Variants in SNX29 observed in about 807,000 individuals in gnomAD.
The protein encoded by SNX29 is sorting nexin 29, also known as sorting nexin-29.
SNX29 carries 78 observed loss-of-function variants against 102.1 expected under a neutral mutation model. The observed-to-expected ratio is 0.76, with a 90% CI of 0.64 to 0.92. The LOEUF is 0.92. Among genes scored for constraint, SNX29 ranks in the 40% least tolerant of loss-of-function variants. SNX29 has a pLI of 0.00. For missense variants in SNX29, 1,280 were observed against 1,061.7 expected, an observed-to-expected ratio of 1.21 and a Z score of -2.86; for synonymous variants, 580 against 414.5, an observed-to-expected ratio of 1.40 and a Z score of -4.85.
intron 3 of SNX29, 57 bp from the exon 4 acceptor site, chr16:12,027,263 G>A (rs1009887904): frequency 1.7e-5 from 28 of 1,601,368 alleles, no homozygotes; most frequent in Admixed American, 5.0e-5. Context: ...TGCTGGGGCC[G>A]CCCTAGTTGC....
chr16:12,496,349 A>T (rs1445374629), intron 19 of SNX29, among the ~76,000 whole-genome samples: 1 of 152,056 alleles, frequency 6.6e-6, no homozygotes, highest in Admixed American at 6.6e-5. Context: ...CTCAGGGTAC[A>T]CGGCCTCCCC....
At chr16:12,470,589 C>T (rs1000537529) in intron 18 of SNX29, among the ~76,000 whole-genome samples, 3 of 152,098 alleles carry the variant, frequency 2.0e-5, no homozygotes, top group African/African-American at 7.2e-5. Context: ...CACTCAGAAA[C>T]CCACTCGAGA....
intron 20 of SNX29, among the ~76,000 whole-genome samples, chr16:12,554,712 G>C (rs1401109302): frequency 6.6e-6 from 1 of 152,160 alleles, no homozygotes; most frequent in Non-Finnish European, 1.5e-5. Flanking sequence ...CCTGGTGACA[G>C]CTGTCTTTCA....
chr16:12,197,661 G>C lies in SNX29; in HGVS notation c.1596-1940G>C, dbSNP rs551513488. On this transcript the variant is annotated intron_variant, in intron 13 of 20. Coordinates refer to ENST00000566228, the MANE Select transcript of SNX29 (RefSeq NM_032167.5). ...AAACATTTTAAGGACTTGTTATTTT[G>C]TGTCAAACATTTGTGATTCATGTCA... 5.9e-5 allele frequency among the ~76,000 whole-genome samples: 9 copies of C among 152,316 alleles called. No homozygotes were observed. In the South Asian group the frequency reaches 1.7e-3, roughly 28 times the overall value.
intron 13 of SNX29, among the ~76,000 whole-genome samples, chr16:12,157,310 C>G (rs1338016814): frequency 6.6e-6 from 1 of 152,152 alleles, no homozygotes; most frequent in African/African-American, 2.4e-5. Context: ...CTGAGGGCAG[C>G]ACAGGGCAGA....
Position 12,266,963 on chromosome 16 carries a change from G to A in SNX29, c.1679-10970G>A, listed in dbSNP as rs375285733. On this transcript the variant is annotated intron_variant, in intron 14 of 20. Coordinates refer to ENST00000566228, the MANE Select transcript of SNX29 (RefSeq NM_032167.5). ...TTTTTAGTGGAGATGGGGTTTTACC[G>A]TGTTGGCCAGGCTGGTCTCGAACTC... Among the ~76,000 whole-genome samples, 522 of 151,946 alleles carry A rather than the reference G, an allele frequency of 3.4e-3. 1 individual carries two copies. The highest frequency in any genetic ancestry group is 0.012 in the African/African-American group (495 of 41,440).
At chr16:12,361,685 T>C (rs1274883746) in intron 16 of SNX29, among the ~76,000 whole-genome samples, 1 of 152,218 alleles carries the variant, frequency 6.6e-6, no homozygotes, top group Non-Finnish European at 1.5e-5. Context: ...TTTAAATTTA[T>C]TTTTTTCTTA....
intron 18 of SNX29, among the ~76,000 whole-genome samples, chr16:12,425,556 AAAAGAG>A: frequency 6.1e-5 from 8 of 130,830 alleles, no homozygotes; most frequent in Non-Finnish European, 1.2e-4. Context: ...AAAAAAAATA[AAAAGAG>A]GGAATAGAAA....
At chr16:12,093,461 C>T (rs2052642779) in intron 11 of SNX29, among the ~76,000 whole-genome samples, 1 of 152,084 alleles carries the variant, frequency 6.6e-6, no homozygotes, top group Admixed American at 6.6e-5. Flanking sequence ...AAGAAGAAGA[C>T]AGAAAAGCCA....
At chr16:12,538,246 G>A (rs1051831365) in intron 20 of SNX29, among the ~76,000 whole-genome samples, 4 of 152,204 alleles carry the variant, frequency 2.6e-5, no homozygotes, top group South Asian at 4.1e-4. Flanking sequence ...CTCCCTAGTA[G>A]CTGGGATTAC....
rs1234298479 is a variant in SNX29 at position 12,571,259 on chromosome 16, C to T, written c.*2630C>T. On this transcript the variant is annotated 3_prime_UTR_variant, in exon 21 of 21. Coordinates refer to ENST00000566228, the MANE Select transcript of SNX29 (RefSeq NM_032167.5). Reference sequence around the variant, plus strand: ...ATGGAGCAGAAACACCCAGGCCTAGCAGAATTGTGGCTGAAACCTGGTGCC... The same window carrying T: ...ATGGAGCAGAAACACCCAGGCCTAGTAGAATTGTGGCTGAAACCTGGTGCC... The T allele has an allele frequency of 8.6e-6, 2 of 231,932 alleles. No individual in the cohort carries two copies. Among genetic ancestry groups the T allele is most frequent in the African/African-American group, 2.2e-5 (1 of 45,262 alleles). The allele number at this position is 231,932 out of a possible 1,614,324, so 14.4% of individuals were successfully genotyped here.
At chr16:12,200,120 T>G (rs2141968585) in intron 14 of SNX29, among the ~76,000 whole-genome samples, 1 of 152,222 alleles carries the variant, frequency 6.6e-6, no homozygotes, top group South Asian at 2.1e-4. Flanking sequence ...GCACCTCAGT[T>G]TTTTCATCTG....
At chr16:12,289,290 TCTC>T (rs1308816419) in intron 15 of SNX29, among the ~76,000 whole-genome samples, 1 of 152,232 alleles carries the variant, frequency 6.6e-6, no homozygotes, top group African/African-American at 2.4e-5. Context: ...ACTGTCTTCT[TCTC>T]AAGGGCTCTT....
At chr16:11,980,351 T>C (rs543883790) in intron 1 of SNX29, among the ~76,000 whole-genome samples, 1 of 152,346 alleles carries the variant, frequency 6.6e-6, no homozygotes, top group East Asian at 1.9e-4. Flanking sequence ...ACTTCATTCC[T>C]TTTTGTGGCC....
At chr16:12,397,988 C>T (rs1235579862) in intron 16 of SNX29, among the ~76,000 whole-genome samples, 3 of 152,154 alleles carry the variant, frequency 2.0e-5, no homozygotes, top group Non-Finnish European at 4.4e-5. Flanking sequence ...TCAAATTGCT[C>T]GTACATTATG....
At chr16:12,340,968 T>C (rs2081594175) in intron 15 of SNX29, among the ~76,000 whole-genome samples, 1 of 152,200 alleles carries the variant, frequency 6.6e-6, no homozygotes, top group Non-Finnish European at 1.5e-5. Flanking sequence ...TGAGAACTCA[T>C]CCTACAGTCT....
At chr16:12,136,177 C>G (rs546047757) in intron 13 of SNX29, among the ~76,000 whole-genome samples, 1 of 152,354 alleles carries the variant, frequency 6.6e-6, no homozygotes, top group Non-Finnish European at 1.5e-5. Flanking sequence ...CGGGGCCATT[C>G]TCTTCATGCT....
intron 20 of SNX29, among the ~76,000 whole-genome samples, chr16:12,566,676 A>T (rs1219898105): frequency 7.6e-6 from 1 of 131,788 alleles, no homozygotes; most frequent in Non-Finnish European, 1.6e-5. Context: ...GCATTCAGGG[A>T]TAAAGAGGCT....
At chr16:12,541,880 G>A in intron 20 of SNX29, among the ~76,000 whole-genome samples, 1 of 152,174 alleles carries the variant, frequency 6.6e-6, no homozygotes, top group East Asian at 1.9e-4. Context: ...AATGCTTGAT[G>A]AATGTTTATG....
Sources: gnomAD v4.1 joint callset for allele counts (sites outside exome capture counted in the v4.1 genomes callset) on GRCh38, gnomAD v4.1.1 for gene constraint, MANE v1.5 for transcripts, NCBI Gene and HGNC (gene_info 2026-07-23, HGNC 2026-07-21) for gene names.